The following GSE1 variants were observed in gnomAD, a reference collection of about 807,000 sequenced individuals.
GSE1 encodes the protein Gse1 coiled-coil protein.
Under a neutral mutation model 112.6 loss-of-function variants are expected in GSE1, and 32 were observed. The ratio of observed to expected loss-of-function variants is 0.28; its 90% CI spans 0.21 to 0.38. The LOEUF (loss-of-function observed/expected upper bound fraction) is 0.38, where lower values mean the gene tolerates loss of function less well. Ranked by LOEUF, GSE1 falls within the 10% of genes least tolerant of loss-of-function variation. The pLI, the probability that GSE1 is intolerant of heterozygous loss-of-function variation, is 1.00. For synonymous variants in GSE1, 1,115 were observed against 735.6 expected, an observed-to-expected ratio of 1.52 and a Z score of -8.35; for missense variants, 2,348 against 1,699.2, an observed-to-expected ratio of 1.38 and a Z score of -6.71.
At chr16:85,555,733 T>A (rs1306287519), upstream of GSE1, 5 of 968,084 alleles carry the variant, frequency 5.2e-6, no homozygotes, top group East Asian at 6.3e-4. Context: ...GAAACAGGTC[T>A]CTTGACCCTC....
intron 2 of GSE1, among the ~76,000 whole-genome samples, chr16:85,518,957 G>A (rs1468847285): frequency 6.6e-6 from 1 of 152,096 alleles, no homozygotes; most frequent in Non-Finnish European, 1.5e-5. Flanking sequence ...ATCCAGGCAG[G>A]ACCACATGGT....
intron 1 of GSE1, among the ~76,000 whole-genome samples, chr16:85,320,307 C>T (rs964321332): frequency 1.2e-4 from 18 of 152,190 alleles, no homozygotes; most frequent in African/African-American, 4.3e-4. Context: ...GTTTTCCTTT[C>T]GCTCACGCAG....
chr16:85,197,296 C>T (rs1348527292), intron 1 of GSE1, among the ~76,000 whole-genome samples: 1 of 152,134 alleles, frequency 6.6e-6, no homozygotes, highest in Non-Finnish European at 1.5e-5. Context: ...GGAAGGGAGT[C>T]TTCCCAATGC....
upstream of GSE1, among the ~76,000 whole-genome samples, chr16:85,554,017 G>A (rs942865468): frequency 1.3e-5 from 2 of 152,198 alleles, no homozygotes; most frequent in African/African-American, 4.8e-5. Flanking sequence ...AACCATGATT[G>A]TATCTGGGGT....
rs147468139 is a variant in GSE1, at chr16:85,657,293, C to T, written c.1329C>T (p.Ala443=). 296 of 1,560,554 alleles carry T rather than the reference C, an allele frequency of 1.9e-4. No individual in the cohort carries two copies. The highest frequency in any genetic ancestry group is 3.8e-4 in the Admixed American group (20 of 52,964). The change falls in exon 8 of 16, where the codon GCC becomes GCT. Residue 443 remains alanine, a synonymous_variant. Transcript: ENST00000253458. ...TPTRAEKLKD[A]GLQAPKPVQH... Reference sequence around the variant, plus strand: ...CCCCCACAGAGAAGCTGAAGGATGCCGGCCTGCAGGCGCCCAAGCCCGTCC... The same window carrying T: ...CCCCCACAGAGAAGCTGAAGGATGCTGGCCTGCAGGCGCCCAAGCCCGTCC...
intron 2 of GSE1, among the ~76,000 whole-genome samples, chr16:85,647,143 C>T (rs1367790955): frequency 6.6e-6 from 1 of 152,216 alleles, no homozygotes; most frequent in African/African-American, 2.4e-5. Flanking sequence ...AAACCCCTGC[C>T]GCACCTGCAG....
At chr16:85,579,472 G>A (rs192169749) in intron 1 of GSE1, among the ~76,000 whole-genome samples, 2 of 152,294 alleles carry the variant, frequency 1.3e-5, no homozygotes, top group Admixed American at 6.5e-5. Context: ...ATCCGGCCTG[G>A]CCCTGGCGCT....
At chr16:85,298,160 G>C (rs867005799) in intron 1 of GSE1, among the ~76,000 whole-genome samples, 1 of 152,190 alleles carries the variant, frequency 6.6e-6, no homozygotes, top group Admixed American at 6.5e-5. Context: ...CGCAGTGCGG[G>C]GTGGGGCCTG....
intron 2 of GSE1, among the ~76,000 whole-genome samples, chr16:85,415,341 G>A (rs12934953): frequency 0.59 from 90,410 of 152,102 alleles, 27,702 homozygotes; most frequent in South Asian, 0.71. Context: ...TACAGCAGAC[G>A]AAGTGCTAAA....
chr16:85,474,496 C>G (rs941269071), intron 2 of GSE1, among the ~76,000 whole-genome samples: 4 of 152,196 alleles, frequency 2.6e-5, no homozygotes, highest in African/African-American at 9.6e-5. Flanking sequence ...ATTTCATTTT[C>G]CTCTCTGCGG....
chr16:85,175,124 G>A (rs573551755), intron 1 of GSE1, among the ~76,000 whole-genome samples: 2 of 152,200 alleles, frequency 1.3e-5, no homozygotes, highest in Non-Finnish European at 2.9e-5. Flanking sequence ...GGAAACATGA[G>A]AAAAATAAAG....
intron 1 of GSE1, among the ~76,000 whole-genome samples, chr16:85,615,604 G>C (rs964637249): frequency 2.0e-4 from 30 of 152,300 alleles, no homozygotes; most frequent in Admixed American, 1.8e-3. Context: ...CCCTGCCTTG[G>C]GAAGGGAGGT....
intron 2 of GSE1, among the ~76,000 whole-genome samples, chr16:85,363,790 G>A (rs753868170): frequency 8.5e-5 from 13 of 152,162 alleles, no homozygotes; most frequent in African/African-American, 1.2e-4. Context: ...TGGGTGGGGC[G>A]GGGGAGAAGA....
intron 2 of GSE1, among the ~76,000 whole-genome samples, chr16:85,435,104 G>T (rs1009904790): frequency 6.6e-6 from 1 of 152,168 alleles, no homozygotes; most frequent in Non-Finnish European, 1.5e-5. Context: ...TTGCACTGGG[G>T]TCCCTCCAGC....
rs1450178403 is a variant in GSE1 at position 85,676,041 on chromosome 16, C to T, written c.*3502C>T. 6.6e-6 allele frequency: 1 copy of T among 152,646 alleles called. No homozygotes were observed. Among genetic ancestry groups the T allele is most frequent in the Non-Finnish European group, 1.5e-5 (1 of 68,046 alleles). 9.5% of individuals were successfully genotyped at this position (152,646 alleles called of 1,614,324 possible). A position where few individuals can be genotyped will look rare whatever the true frequency, so the allele number is the denominator to read the frequency against. On this transcript the variant is annotated 3_prime_UTR_variant, in exon 16 of 16. Transcript: ENST00000253458. ...GAGGAACACCGGTGCCTCGGTCACT[C>T]TGGGGGCAGTTTAGATGCTGTGAAA...
chr16:85,329,828 C>T (rs1406229034), intron 1 of GSE1, among the ~76,000 whole-genome samples: 1 of 101,306 alleles, frequency 9.9e-6, no homozygotes, highest in Non-Finnish European at 2.0e-5. Flanking sequence ...AGGCTGGGGA[C>T]GGGAGGGGAG....
chr16:85,340,133 G>C (rs2046593311), intron 1 of GSE1, among the ~76,000 whole-genome samples: 2 of 152,308 alleles, frequency 1.3e-5, no homozygotes, highest in South Asian at 4.1e-4. Flanking sequence ...ATGCAAGGCT[G>C]AGCCCAGGAG....
intron 1 of GSE1, among the ~76,000 whole-genome samples, chr16:85,313,448 C>T (rs1268695368): frequency 1.2e-4 from 18 of 152,182 alleles, no homozygotes. Flanking sequence ...CCATCTCGGC[C>T]TCCTCTCTTG....
At chr16:85,228,869 AC>A (rs1254533936) in intron 1 of GSE1, among the ~76,000 whole-genome samples, 1 of 152,220 alleles carries the variant, frequency 6.6e-6, no homozygotes, top group Non-Finnish European at 1.5e-5. Flanking sequence ...ACTAGAAGGC[AC>A]CCTGGGGCCT....
Sources: gnomAD v4.1 joint callset for allele counts (sites outside exome capture counted in the v4.1 genomes callset) on GRCh38, gnomAD v4.1.1 for gene constraint, MANE v1.5 for transcripts, NCBI Gene and HGNC (gene_info 2026-07-23, HGNC 2026-07-21) for gene names.